The following ULK4 variants were observed in gnomAD, a reference collection of about 807,000 sequenced individuals.
ULK4 encodes the protein unc-51 like kinase 4.
A neutral mutation model predicts 160.6 loss-of-function variants in ULK4; 133 were observed. The ratio of observed to expected loss-of-function variants is 0.83; its 90% CI spans 0.72 to 0.96. The LOEUF (loss-of-function observed/expected upper bound fraction) is 0.96, where lower values mean the gene tolerates loss of function less well. Among genes scored for constraint, ULK4 ranks in the 40% least tolerant of loss-of-function variants. ULK4 has a pLI of 0.00. For synonymous variants in ULK4, 534 were observed against 539.8 expected (o/e 0.99, Z 0.15); for missense variants, 1,580 against 1,499.5 (o/e 1.05, Z -0.89).
intron 32 of ULK4, among the ~76,000 whole-genome samples, chr3:41,563,644 T>C (rs1373758185): frequency 2.0e-5 from 3 of 152,226 alleles, no homozygotes; most frequent in Admixed American, 6.5e-5. Flanking sequence ...TTCCACTTGA[T>C]TGAATTGGCT....
In ULK4 at chr3:41,902,201, G is replaced by A. The variant is rs1698396322; in HGVS notation, c.1183-1372C>T. On this transcript the variant is annotated intron_variant, in intron 12 of 36. Transcript: ENST00000301831. ...ATTACCCAAAACTGAGTGAGGAAGG[G>A]GCATGGATAAAGGAACAGAGGAGTT... Among the ~76,000 whole-genome samples the A allele has an allele frequency of 2.6e-5, 4 of 152,116 alleles. No homozygotes were observed. In the South Asian group the frequency reaches 8.3e-4, roughly 32 times the overall value.
At chr3:41,929,545 T>C (rs1169664719) in intron 5 of ULK4, among the ~76,000 whole-genome samples, 5 of 152,124 alleles carry the variant, frequency 3.3e-5, no homozygotes, top group Admixed American at 3.3e-4. Context: ...AGAGAGGAAG[T>C]CAAATTGTCT....
intron 32 of ULK4, among the ~76,000 whole-genome samples, chr3:41,549,023 C>T (rs77477480): frequency 1.1e-3 from 174 of 152,292 alleles, no homozygotes; most frequent in Non-Finnish European, 2.0e-3. Flanking sequence ...ACCAACACTA[C>T]AGATACATCT....
chr3:41,625,477 T>A (rs1337101975), intron 30 of ULK4, among the ~76,000 whole-genome samples: 3 of 152,160 alleles, frequency 2.0e-5, no homozygotes, highest in South Asian at 4.1e-4. Context: ...TGTGGCGCCA[T>A]CTACTCAGCG....
chr3:41,361,807 A>AAGAT (rs1473993104), intron 35 of ULK4, among the ~76,000 whole-genome samples: 1 of 152,194 alleles, frequency 6.6e-6, no homozygotes, highest in Non-Finnish European at 1.5e-5. Context: ...AAAATCTTTA[A>AAGAT]AGATAGACTA....
rs1380372146 is a variant in ULK4 at position 41,706,847 on chromosome 3, AT to A, written c.2635-1543del. On this transcript the variant is annotated intron_variant, in intron 25 of 36. Coordinates refer to ENST00000301831, the MANE Select transcript of ULK4 (RefSeq NM_017886.4). ...TGTCTCAAAAAAAAAAAAAAAAAAA[AT>A]ATGTGTGTGTGTGTGTGTGTGTGTG... Among the ~76,000 whole-genome samples the A allele has an allele frequency of 8.0e-3, 874 of 109,188 alleles. 6 individuals carry two copies. Among genetic ancestry groups the A allele is most frequent in the South Asian group, 0.013 (50 of 3,870 alleles). The allele number at this position is 109,188 out of a possible 152,430, so 71.6% of individuals were successfully genotyped here. A position where few individuals can be genotyped will look rare whatever the true frequency, so the allele number is the denominator to read the frequency against.
At chr3:41,819,366 T>C (rs1022374223) in intron 19 of ULK4, 57 bp downstream of exon 19, 29 of 1,524,098 alleles carry the variant, frequency 1.9e-5, no homozygotes, top group African/African-American at 2.8e-5. Flanking sequence ...CCTCATACAG[T>C]GCCTGAAGGG....
chr3:41,766,164 T>C (rs1032610609), intron 21 of ULK4, among the ~76,000 whole-genome samples: 5 of 152,092 alleles, frequency 3.3e-5, no homozygotes, highest in Non-Finnish European at 2.9e-5. Flanking sequence ...AGCTATTCGA[T>C]AGGCTGAGGC....
intron 20 of ULK4, among the ~76,000 whole-genome samples, chr3:41,798,307 A>T (rs762811396): frequency 2.0e-5 from 3 of 152,222 alleles, no homozygotes; most frequent in Admixed American, 1.3e-4. Context: ...GAATGTCTTA[A>T]AATATTATTC....
At chr3:41,352,068 G>A (rs1346385529) in intron 35 of ULK4, among the ~76,000 whole-genome samples, 1 of 152,218 alleles carries the variant, frequency 6.6e-6, no homozygotes, top group Non-Finnish European at 1.5e-5. Context: ...TAAGGTGCAT[G>A]TGAAAAAAAG....
At chr3:41,610,516 G>C (rs913280779) in intron 31 of ULK4, among the ~76,000 whole-genome samples, 2 of 152,120 alleles carry the variant, frequency 1.3e-5, no homozygotes, top group Non-Finnish European at 2.9e-5. Flanking sequence ...TGGATGCATA[G>C]GATTGAAAAC....
At chr3:41,661,630 C>A (rs1290786375) in intron 30 of ULK4, among the ~76,000 whole-genome samples, 1 of 151,976 alleles carries the variant, frequency 6.6e-6, no homozygotes, top group Non-Finnish European at 1.5e-5. Flanking sequence ...CAATTACTAC[C>A]CCTAGGGGAG....
intron 29 of ULK4, among the ~76,000 whole-genome samples, chr3:41,672,091 C>A (rs181994611): frequency 6.6e-6 from 1 of 151,876 alleles, no homozygotes; most frequent in East Asian, 1.9e-4. Flanking sequence ...GGCAAGGATG[C>A]GGAGAAAAGG....
intron 18 of ULK4, among the ~76,000 whole-genome samples, chr3:41,827,476 G>C (rs141345402): frequency 1.3e-5 from 2 of 151,960 alleles, no homozygotes; most frequent in Admixed American, 1.3e-4. Flanking sequence ...TATCACCACC[G>C]ATCCCACAGA....
Position 41,912,894 on chromosome 3 carries a change from G to A in ULK4, c.809C>T (p.Thr270Ile), listed in dbSNP as rs745907062. The A allele has an allele frequency of 6.2e-7, 1 of 1,613,826 alleles. No homozygotes were observed. Among genetic ancestry groups the A allele is most frequent in the Admixed American group, 1.7e-5 (1 of 59,966 alleles). The change falls in exon 9 of 37, where the codon ACT (threonine) becomes ATT (isoleucine). Residue 270 changes from threonine (T) to isoleucine (I), a missense_variant. Physicochemically the swap from Thr to Ile is moderately conservative, Grantham distance 89. Coordinates refer to ENST00000301831, the MANE Select transcript of ULK4 (RefSeq NM_017886.4). ...LLQRDPQKRL[T>I]WTRLLQHSFW... is the part of the protein sequence containing the mutation. Reference sequence around the variant, plus strand: ...TGAATGCTGCAGTAGCCTTGTCCAAGTCAATCTTTAAAAAACATAAATGTT... The same window carrying A: ...TGAATGCTGCAGTAGCCTTGTCCAAATCAATCTTTAAAAAACATAAATGTT...
chr3:41,542,224 G>A (rs1394028982), intron 32 of ULK4, among the ~76,000 whole-genome samples: 1 of 152,210 alleles, frequency 6.6e-6, no homozygotes, highest in East Asian at 1.9e-4. Context: ...TTTTTAGCAT[G>A]AAGGGCTGTT....
intron 35 of ULK4, among the ~76,000 whole-genome samples, chr3:41,281,337 G>A (rs2079348380): frequency 6.6e-6 from 1 of 152,152 alleles, no homozygotes; most frequent in African/African-American, 2.4e-5. Flanking sequence ...AAGCCTTGCA[G>A]AGACACACAA....
At chr3:41,731,908 T>C (rs1213125528) in intron 22 of ULK4, among the ~76,000 whole-genome samples, 7 of 151,960 alleles carry the variant, frequency 4.6e-5, no homozygotes, top group Admixed American at 1.3e-4. Flanking sequence ...ATAAACGAAG[T>C]TGGGAAAACT....
chr3:41,890,289 C>G (rs1177397301), intron 16 of ULK4, among the ~76,000 whole-genome samples: 2 of 152,068 alleles, frequency 1.3e-5, no homozygotes. Flanking sequence ...AAAGAAAAGT[C>G]AAGAGAGACA....
Sources: gnomAD v4.1 joint callset for allele counts (sites outside exome capture counted in the v4.1 genomes callset) on GRCh38, gnomAD v4.1.1 for gene constraint, MANE v1.5 for transcripts, NCBI Gene and HGNC (gene_info 2026-07-23, HGNC 2026-07-21) for gene names.